Variants in GNAO1 observed in about 807,000 individuals in gnomAD.
GNAO1 encodes the protein guanine nucleotide-binding protein G(o) subunit alpha.
For synonymous variants in GNAO1, 164 were observed against 180.7 expected, an observed-to-expected ratio of 0.91 and a Z score of 0.74; for missense variants, 166 against 478.7, an observed-to-expected ratio of 0.35 and a Z score of 6.10.
chr16:56,233,983 G>A (rs537267093), intron 2 of GNAO1, among the ~76,000 whole-genome samples: 1 of 152,350 alleles, frequency 6.6e-6, no homozygotes, highest in South Asian at 2.1e-4. Context: ...GGGAAGCATG[G>A]TATTGATTTG....
intron 3 of GNAO1, among the ~76,000 whole-genome samples, chr16:56,296,372 T>C (rs1381849753): frequency 6.6e-6 from 1 of 152,112 alleles, no homozygotes; most frequent in East Asian, 1.9e-4. Flanking sequence ...GGAATTGAGC[T>C]CAGCTAAACA....
intron 2 of GNAO1, among the ~76,000 whole-genome samples, chr16:56,223,526 C>A (rs2036509322): frequency 6.6e-6 from 1 of 152,206 alleles, no homozygotes; most frequent in East Asian, 1.9e-4. Flanking sequence ...TCTGCAAAGT[C>A]CCTTTGGCCC....
At chr16:56,353,339 T>C (rs1379198026) in intron 7 of GNAO1, 3 of 152,198 alleles carry the variant, frequency 2.0e-5, no homozygotes, top group Non-Finnish European at 1.5e-5. Flanking sequence ...CTCACTGCTG[T>C]GGAGTGCAAG....
At chr16:56,301,487 G>T (rs1162585196) in intron 3 of GNAO1, among the ~76,000 whole-genome samples, 1 of 152,208 alleles carries the variant, frequency 6.6e-6, no homozygotes, top group Non-Finnish European at 1.5e-5. Context: ...TTTCTTCAGG[G>T]CATGAAGAGG....
intron 3 of GNAO1, among the ~76,000 whole-genome samples, chr16:56,286,757 G>GTC (rs1211906050): frequency 2.7e-5 from 4 of 150,884 alleles, no homozygotes; most frequent in Non-Finnish European, 4.4e-5. Flanking sequence ...CTGTCTGTCT[G>GTC]TCTCTCTCTC....
At chr16:56,264,172 G>T (rs74523911) in intron 2 of GNAO1, among the ~76,000 whole-genome samples, 7,311 of 152,322 alleles carry the variant, frequency 0.048, 201 homozygotes, top group Middle Eastern at 0.071. Flanking sequence ...ATCACCTGGG[G>T]TTGCAGTGTT....
At chr16:56,271,635 AG>A (rs1332500418) in intron 2 of GNAO1, among the ~76,000 whole-genome samples, 1 of 152,046 alleles carries the variant, frequency 6.6e-6, no homozygotes, top group Non-Finnish European at 1.5e-5. Flanking sequence ...TGTATTTTTC[AG>A]TAGAGACGGG....
intron 3 of GNAO1, chr16:56,303,012 C>T (rs2037359943): frequency 6.6e-6 from 1 of 152,218 alleles, no homozygotes; most frequent in Admixed American, 6.5e-5. Context: ...CTATCTCCTC[C>T]CCAGCCTGGA....
intron 6 of GNAO1, among the ~76,000 whole-genome samples, chr16:56,343,442 C>A (rs144317205): frequency 6.7e-6 from 1 of 148,198 alleles, no homozygotes; most frequent in East Asian, 2.0e-4. Flanking sequence ...GAGCCCTGAT[C>A]GTACCACCAC....
intron 3 of GNAO1, among the ~76,000 whole-genome samples, chr16:56,284,464 T>G (rs1265268824): frequency 6.6e-6 from 1 of 152,208 alleles, no homozygotes; most frequent in Non-Finnish European, 1.5e-5. Context: ...TCCTTGACCA[T>G]CATCTAAAAG....
chr16:56,319,473 A>G (rs2037549892), intron 3 of GNAO1, among the ~76,000 whole-genome samples: 1 of 152,088 alleles, frequency 6.6e-6, no homozygotes, highest in African/African-American at 2.4e-5. Flanking sequence ...CTGGGAGCCT[A>G]CGCCCCTCCT....
At chr16:56,341,686 G>A (rs945162231) in intron 6 of GNAO1, among the ~76,000 whole-genome samples, 1 of 152,230 alleles carries the variant, frequency 6.6e-6, no homozygotes, top group Non-Finnish European at 1.5e-5. Flanking sequence ...GCTGTGGTGG[G>A]TTTACCTGAC....
intron 5 of GNAO1, among the ~76,000 whole-genome samples, chr16:56,335,239 A>G (rs1485390093): frequency 1.3e-5 from 2 of 152,148 alleles, no homozygotes; most frequent in African/African-American, 4.8e-5. Flanking sequence ...CCTCTGTGAG[A>G]CCCTGAGGAC....
chr16:56,285,508 A>G (rs1217382199), intron 3 of GNAO1, among the ~76,000 whole-genome samples: 2 of 152,110 alleles, frequency 1.3e-5, no homozygotes, highest in Admixed American at 1.3e-4. Flanking sequence ...TACCTGTTTC[A>G]AGGTGGCAAA....
intron 3 of GNAO1, among the ~76,000 whole-genome samples, chr16:56,289,302 CT>C (rs1344300120): frequency 6.6e-6 from 1 of 152,244 alleles, no homozygotes; most frequent in East Asian, 1.9e-4. Flanking sequence ...GCCGGGACCT[CT>C]TTTTTGCCAT....
intron 3 of GNAO1, among the ~76,000 whole-genome samples, chr16:56,297,099 GAAAAC>G (rs1190067478): frequency 6.6e-6 from 1 of 152,202 alleles, no homozygotes; most frequent in East Asian, 1.9e-4. Flanking sequence ...AGCTAACTGA[GAAAAC>G]CGCCCTTTGG....
At chr16:56,336,952 A>C (rs2037746173) in intron 6 of GNAO1, 92 bp downstream of exon 6, 1 of 1,267,552 alleles carries the variant, frequency 7.9e-7, no homozygotes, top group African/African-American at 1.5e-5. Context: ...TCGGGTGCCC[A>C]CAATGGCTCT....
At chr16:56,259,093 A>G (rs2036879950) in intron 2 of GNAO1, among the ~76,000 whole-genome samples, 1 of 152,208 alleles carries the variant, frequency 6.6e-6, no homozygotes, top group South Asian at 2.1e-4. Flanking sequence ...CAGCAAGTCC[A>G]TGTTGGAGCT....
At chr16:56,221,667 A>C (rs2036490223) in intron 2 of GNAO1, among the ~76,000 whole-genome samples, 1 of 151,904 alleles carries the variant, frequency 6.6e-6, no homozygotes, top group Middle Eastern at 3.4e-3. Context: ...AAAAAAAAAA[A>C]AAAAAAACAT....
Sources: gnomAD v4.1 joint callset for allele counts (sites outside exome capture counted in the v4.1 genomes callset) on GRCh38, gnomAD v4.1.1 for gene constraint, MANE v1.5 for transcripts, NCBI Gene and HGNC (gene_info 2026-07-23, HGNC 2026-07-21) for gene names.